Variants in CCN5 observed in about 807,000 individuals in gnomAD.
The protein encoded by CCN5 is cellular communication network factor 5.
CCN5 carries 17 observed loss-of-function variants against 18.7 expected under a neutral mutation model. The observed-to-expected ratio is 0.91, with a 90% confidence interval of 0.62 to 1.36. The LOEUF is 1.36. Among genes scored for constraint, CCN5 ranks in the 40% most tolerant of loss-of-function variants. CCN5 has a pLI of 0.00. For missense variants in CCN5, 367 were observed against 342.9 expected (o/e 1.07, Z -0.56); for synonymous variants, 135 against 145.2 (o/e 0.93, Z 0.50).
chr20:44,723,011 G>A (rs2065910866), intron 2 of CCN5, among the ~76,000 whole-genome samples: 2 of 152,076 alleles, frequency 1.3e-5, no homozygotes, highest in African/African-American at 4.8e-5. Context: ...TCTGCCCCAA[G>A]CCTTCTGGTG....
At chr20:44,725,074 T>G in intron 3 of CCN5, 82 bp downstream of exon 3, 2 of 1,429,748 alleles carry the variant, frequency 1.4e-6, no homozygotes, top group Admixed American at 3.0e-5. Context: ...GGGGGGCGGC[T>G]TCCTGGGTAC....
At chr20:44,715,324 C>T, upstream of CCN5, 1 of 1,522,696 alleles carries the variant, frequency 6.6e-7, no homozygotes, top group Non-Finnish European at 8.9e-7. Context: ...GGAGTGACCT[C>T]ACAGCTGCCG....
intron 1 of CCN5, among the ~76,000 whole-genome samples, chr20:44,718,000 T>C (rs1426151493): frequency 6.6e-6 from 1 of 152,186 alleles, no homozygotes; most frequent in African/African-American, 2.4e-5. Flanking sequence ...GACAAGCTCC[T>C]AGATGACGCT....
intron 2 of CCN5, among the ~76,000 whole-genome samples, chr20:44,722,387 G>A (rs949305600): frequency 6.6e-6 from 1 of 151,670 alleles, no homozygotes; most frequent in African/African-American, 2.4e-5. Context: ...TCCCCAGTCT[G>A]TTGAGAGCAC....
chr20:44,724,630 C>T (rs2065922160), intron 2 of CCN5, 108 bp from the exon 3 acceptor site: 2 of 1,532,062 alleles, frequency 1.3e-6, no homozygotes, highest in Non-Finnish European at 1.8e-6. Flanking sequence ...TGGGCAGGGC[C>T]CAGCTACTGT....
In CCN5 at chr20:44,724,955, A is replaced by C. The variant is rs773055712; in HGVS notation, c.495A>C (p.Gln165His). The change falls in exon 3 of 4, where the codon CAA (glutamine) becomes CAC (histidine). Residue 165 changes from glutamine (Q) to histidine (H), a missense_variant. Transcript: ENST00000190983. ...GKCCPEWVCG[Q>H]GGGLGTQPLP... is the part of the protein sequence containing the mutation. ...GCTGCCCTGAGTGGGTGTGCGGCCA[A>C]GGAGGGGGACTGGGGACCCAGCCCC... The C allele has an allele frequency of 6.3e-7, 1 of 1,596,886 alleles. No individual in the cohort carries two copies. The highest frequency in any genetic ancestry group is 8.5e-7 in the Non-Finnish European group (1 of 1,172,970).
At position 44,720,004 on chromosome 20, in the gene CCN5, T is replaced by A. The variant is rs1245502656; in HGVS notation, c.168T>A (p.Cys56Ter). 2.5e-5 allele frequency: 40 copies of A among 1,611,202 alleles called. 1 individual carries two copies. The East Asian group carries it at 8.9e-4, about 36-fold the overall frequency. Residue 56 changes from cysteine to a stop codon, truncating the protein, a stop_gained, in exon 2 of 4, where the codon TGT (cysteine) becomes TGA (stop). Transcript: ENST00000190983. LOFTEE classifies it high-confidence loss of function. ...ATGGCTGTGGCTGCTGCCGGGTATG[T>A]GCACGGCGGCTGGGGGAGCCCTGCG... ...VLDGCGCCRV[C>*]ARRLGEPCDQ...
At chr20:44,723,111 C>T (rs551530485) in intron 2 of CCN5, among the ~76,000 whole-genome samples, 1 of 152,242 alleles carries the variant, frequency 6.6e-6, no homozygotes, top group South Asian at 2.1e-4. Flanking sequence ...CTGACCTCCT[C>T]TCCTCCTGCT....
chr20:44,720,215 G>T (rs2145413374), intron 2 of CCN5, 102 bp downstream of exon 2: 4 of 1,269,400 alleles, frequency 3.2e-6, no homozygotes, highest in African/African-American at 1.5e-5. Context: ...ACCTCCTTGG[G>T]TGCTCACTTC....
chr20:44,722,596 A>G (rs1374793330), intron 2 of CCN5, among the ~76,000 whole-genome samples: 1 of 151,180 alleles, frequency 6.6e-6, no homozygotes, highest in African/African-American at 2.4e-5. Flanking sequence ...CCTCCCAAGT[A>G]GCTGGGATTA....
At position 44,727,513 on chromosome 20, in the gene CCN5, C is replaced by A; in HGVS notation, c.*206C>A. On this transcript the variant is annotated 3_prime_UTR_variant, in exon 4 of 4. Coordinates refer to ENST00000190983, the MANE Select transcript of CCN5 (RefSeq NM_003881.4). ...GTATGGCAGAGGTGCAAGACCTAGTCCCCTTTCCTCTAACTCACTGCCTAG... is the reference window on the plus strand; with the variant it reads ...GTATGGCAGAGGTGCAAGACCTAGTACCCTTTCCTCTAACTCACTGCCTAG... 7.1e-7 allele frequency: 1 copy of A among 1,405,100 alleles called. No individual in the cohort carries two copies. Among genetic ancestry groups the A allele is most frequent in the African/African-American group, 1.5e-5 (1 of 67,948 alleles). The allele number at this position is 1,405,100 out of a possible 1,614,324, so 87.0% of individuals were successfully genotyped here.
chr20:44,725,032 G>T, intron 3 of CCN5, 40 bp downstream of exon 3: 1 of 1,482,630 alleles, frequency 6.7e-7, no homozygotes, highest in Non-Finnish European at 8.9e-7. Flanking sequence ...AGGACTGCCT[G>T]GGGGCGCCAA....
chr20:44,720,144 G>A (rs767607542), intron 2 of CCN5, 31 bp downstream of exon 2: 27 of 1,533,660 alleles, frequency 1.8e-5, no homozygotes, highest in South Asian at 4.8e-5. Context: ...GAGTGGGGGC[G>A]GGTGTGAGCG....
intron 1 of CCN5, among the ~76,000 whole-genome samples, chr20:44,719,186 A>G (rs1334658838): frequency 2.0e-5 from 3 of 152,242 alleles, no homozygotes; most frequent in Admixed American, 6.5e-5. Flanking sequence ...AGGATCATCA[A>G]AGCTAAGTGC....
At chr20:44,715,634 C>T (rs917321343) in intron 1 of CCN5, among the ~76,000 whole-genome samples, 184 bp downstream of exon 1, 1 of 152,202 alleles carries the variant, frequency 6.6e-6, no homozygotes, top group African/African-American at 2.4e-5. Context: ...TCCGGCCAGC[C>T]CTGCTGTGTG....
chr20:44,726,453 T>G (rs1283666256), intron 3 of CCN5, among the ~76,000 whole-genome samples: 5 of 147,970 alleles, frequency 3.4e-5, no homozygotes, highest in East Asian at 4.0e-4. Context: ...GTTGGGGGGG[T>G]TTTCCTGTGC....
intron 2 of CCN5, 43 bp downstream of exon 2, chr20:44,720,156 G>C (rs1360473014): frequency 1.3e-6 from 2 of 1,529,564 alleles, no homozygotes; most frequent in East Asian, 4.9e-5. Context: ...GTGTGAGCGG[G>C]AGGTCAAGGC....
At chr20:44,727,064 A>G (rs773111016) in intron 3 of CCN5, 23 bp from the exon 4 acceptor site, 45 of 1,547,094 alleles carry the variant, frequency 2.9e-5, no homozygotes, top group Non-Finnish European at 3.8e-5. Flanking sequence ...GCTCAGTGCT[A>G]ACTCTTGTTC....
intron 1 of CCN5, among the ~76,000 whole-genome samples, chr20:44,716,191 C>A (rs1481952004): frequency 6.6e-6 from 1 of 152,186 alleles, no homozygotes; most frequent in South Asian, 2.1e-4. Flanking sequence ...TAGAGGAGAG[C>A]CATGGTGGAG....
Sources: allele counts gnomAD v4.1 joint callset (sites outside exome capture counted in the v4.1 genomes callset), GRCh38; gene constraint gnomAD v4.1.1; transcripts MANE v1.5; gene names NCBI Gene and HGNC (gene_info 2026-07-23, HGNC 2026-07-21).